Variants in PATJ observed in about 807,000 individuals in gnomAD.
PATJ encodes inaD-like protein.
Under a neutral mutation model 224.9 loss-of-function variants are expected in PATJ, and 190 were observed. The observed-to-expected ratio is 0.84, with a 90% CI of 0.75 to 0.95. The LOEUF (loss-of-function observed/expected upper bound fraction) is 0.95, where lower values mean the gene tolerates loss of function less well. PATJ is among the 40% of genes least tolerant of loss of function. PATJ has a pLI of 0.00. For synonymous variants in PATJ, 769 were observed against 820.3 expected, an observed-to-expected ratio of 0.94 and a Z score of 1.07; for missense variants, 2,121 against 2,270.3, an observed-to-expected ratio of 0.93 and a Z score of 1.34.
At chr1:62,106,121 A>ATACACAC (rs1558176204) in intron 33 of PATJ, among the ~76,000 whole-genome samples, 3 of 31,294 alleles carry the variant, frequency 9.6e-5, no homozygotes, top group East Asian at 8.6e-4. Context: ...CACACACACA[A>ATACACAC]ACACACATAT....
At chr1:61,842,154 G>C (rs905224790) in intron 17 of PATJ, among the ~76,000 whole-genome samples, 1 of 152,090 alleles carries the variant, frequency 6.6e-6, no homozygotes, top group Non-Finnish European at 1.5e-5. Context: ...AGTGCAGCAA[G>C]ACTAAAGGCA....
intron 28 of PATJ, chr1:62,013,577 C>A: frequency 1.2e-6 from 1 of 864,296 alleles, no homozygotes; most frequent in Non-Finnish European, 1.4e-6. Context: ...CAAGGACTGA[C>A]TTTACCATGT....
At chr1:61,995,910 G>A (rs1002363713) in intron 28 of PATJ, among the ~76,000 whole-genome samples, 8 of 152,144 alleles carry the variant, frequency 5.3e-5, no homozygotes, top group African/African-American at 1.9e-4. Context: ...AGAGTTGATG[G>A]TGCTGTGCAG....
At chr1:62,034,556 T>C (rs565718559) in intron 29 of PATJ, among the ~76,000 whole-genome samples, 1 of 152,204 alleles carries the variant, frequency 6.6e-6, no homozygotes, top group South Asian at 2.1e-4. Context: ...GCCCCACTGC[T>C]TGTCTGAAGT....
At chr1:61,974,932 T>G (rs1644046218) in intron 27 of PATJ, among the ~76,000 whole-genome samples, 1 of 151,844 alleles carries the variant, frequency 6.6e-6, no homozygotes, top group African/African-American at 2.4e-5. Flanking sequence ...CTGTTGGTTG[T>G]TTTTTTGTTT....
chr1:62,132,590 A>T (rs1666374332), intron 41 of PATJ, among the ~76,000 whole-genome samples: 1 of 152,052 alleles, frequency 6.6e-6, no homozygotes. Context: ...AATACTATAG[A>T]ATCATTTTGA....
chr1:62,150,399 G>T (rs1218979451), intron 42 of PATJ, among the ~76,000 whole-genome samples: 2 of 152,144 alleles, frequency 1.3e-5, no homozygotes, highest in African/African-American at 4.8e-5. Context: ...AAAGATAACT[G>T]TAGGAGAGCT....
intron 17 of PATJ, among the ~76,000 whole-genome samples, chr1:61,855,282 C>T (rs1663473251): frequency 6.6e-6 from 1 of 152,142 alleles, no homozygotes; most frequent in South Asian, 2.1e-4. Flanking sequence ...ATGGTCCAGC[C>T]AAATATCAAT....
At chr1:61,827,735 T>A (rs1570744982) in intron 16 of PATJ, 152 bp downstream of exon 16, 1 of 563,182 alleles carries the variant, frequency 1.8e-6, no homozygotes, top group East Asian at 3.2e-5. Flanking sequence ...TTCAAATTGT[T>A]ACTCTTCATT....
intron 19 of PATJ, among the ~76,000 whole-genome samples, chr1:61,863,027 G>GTTTTT (rs35033086): frequency 1.3e-5 from 1 of 79,996 alleles, no homozygotes; most frequent in African/African-American, 4.7e-5. Context: ...ACTGTTTTCA[G>GTTTTT]TTTTTTTTTT....
chr1:62,048,563 A>AAAAAAAAG (rs1652988994), intron 30 of PATJ, among the ~76,000 whole-genome samples: 1 of 132,532 alleles, frequency 7.5e-6, no homozygotes. Context: ...AAAAAAAAAA[A>AAAAAAAAG]AAAAAAAGAA....
intron 13 of PATJ, among the ~76,000 whole-genome samples, chr1:61,806,888 A>G (rs1237641853): frequency 1.3e-5 from 2 of 152,032 alleles, no homozygotes; most frequent in Non-Finnish European, 2.9e-5. Flanking sequence ...GGAGTAGCTC[A>G]CACCTGTAAT....
At chr1:62,057,956 T>C (rs1340786581) in intron 31 of PATJ, among the ~76,000 whole-genome samples, 1 of 152,224 alleles carries the variant, frequency 6.6e-6, no homozygotes, top group Non-Finnish European at 1.5e-5. Context: ...CACTTGTCAT[T>C]ACAGACCTGG....
At chr1:62,146,946 G>C (rs902757703) in intron 41 of PATJ, among the ~76,000 whole-genome samples, 4 of 152,072 alleles carry the variant, frequency 2.6e-5, no homozygotes, top group Non-Finnish European at 4.4e-5. Flanking sequence ...AGGAGCAAAG[G>C]TTGCAGGGAG....
At chr1:61,822,815 G>T in intron 14 of PATJ, 130 bp from the exon 15 acceptor site, 1 of 1,033,292 alleles carries the variant, frequency 9.7e-7, no homozygotes, top group South Asian at 1.6e-5. Context: ...TCCTATTATT[G>T]TCCTCTTTTA....
intron 37 of PATJ, among the ~76,000 whole-genome samples, chr1:62,119,003 CAAA>C (rs35661742): frequency 3.5e-4 from 49 of 138,240 alleles, no homozygotes; most frequent in East Asian, 2.0e-3. Flanking sequence ...CATTAAATAT[CAAA>C]AAAAAAAAAA....
chr1:61,900,836 G>A (rs113550198), intron 23 of PATJ, among the ~76,000 whole-genome samples: 68 of 152,148 alleles, frequency 4.5e-4, no homozygotes, highest in African/African-American at 1.4e-3. Context: ...TGATCTGCCC[G>A]CCTCGGCCTC....
chr1:62,122,662 TA>T (rs199925154), intron 38 of PATJ, among the ~76,000 whole-genome samples: 4,177 of 152,038 alleles, frequency 0.027, 208 homozygotes, highest in African/African-American at 0.095. Context: ...CCGTCTCTAC[TA>T]AAAATACAAA....
intron 14 of PATJ, among the ~76,000 whole-genome samples, chr1:61,814,535 TGTGTGTGTGTGTGC>T (rs1156531866): frequency 7.3e-6 from 1 of 136,366 alleles, no homozygotes; most frequent in Non-Finnish European, 1.5e-5. Context: ...TGTGTGTGTG[TGTGTGTGTGTGTGC>T]GCGCGCGCGC....
Sources: gnomAD v4.1 joint callset for allele counts (sites outside exome capture counted in the v4.1 genomes callset) on GRCh38, gnomAD v4.1.1 for gene constraint, MANE v1.5 for transcripts, NCBI Gene and HGNC (gene_info 2026-07-23, HGNC 2026-07-21) for gene names.